The following SAMMSON variants were observed in gnomAD, a reference collection of about 807,000 sequenced individuals.
SAMMSON encodes long intergenic non-protein coding RNA 1212.
intron 4 of SAMMSON, among the ~76,000 whole-genome samples, chr3:70,136,294 T>C (rs2067505501): frequency 6.6e-6 from 1 of 152,236 alleles, no homozygotes; most frequent in South Asian, 2.1e-4. Context: ...GTCTAGACTA[T>C]GAAAGGCATT....
chr3:70,035,691 T>G (rs1036243391), intron 3 of SAMMSON, among the ~76,000 whole-genome samples: 4 of 152,128 alleles, frequency 2.6e-5, no homozygotes, highest in African/African-American at 9.7e-5. Flanking sequence ...TTCCAAAAAA[T>G]TTAGGAGGCA....
chr3:70,324,964 T>C (rs1702568425), intron 7 of SAMMSON, among the ~76,000 whole-genome samples: 1 of 151,172 alleles, frequency 6.6e-6, no homozygotes, highest in South Asian at 2.1e-4. Context: ...AAAAAGGCAT[T>C]GGATATTGAA....
At chr3:70,238,777 G>T (rs1701637454) in intron 4 of SAMMSON, among the ~76,000 whole-genome samples, 1 of 152,080 alleles carries the variant, frequency 6.6e-6, no homozygotes, top group South Asian at 2.1e-4. Flanking sequence ...TCCTAGATAT[G>T]TGAGTCTACA....
At chr3:70,207,385 G>A (rs964669746) in intron 4 of SAMMSON, among the ~76,000 whole-genome samples, 1 of 151,976 alleles carries the variant, frequency 6.6e-6, no homozygotes, top group Admixed American at 6.6e-5. Context: ...ATGGCTTTGG[G>A]GATATGCTTC....
intron 1 of SAMMSON, among the ~76,000 whole-genome samples, chr3:70,007,206 C>A (rs1267207259): frequency 6.6e-6 from 1 of 152,104 alleles, no homozygotes; most frequent in Admixed American, 6.5e-5. Flanking sequence ...AGTTTAAGAT[C>A]CTTGAGGAAT....
At chr3:70,417,397 G>A (rs1701272043) in intron 2 of SAMMSON, among the ~76,000 whole-genome samples, 1 of 152,120 alleles carries the variant, frequency 6.6e-6, no homozygotes, top group Non-Finnish European at 1.5e-5. Context: ...GATCATGTGA[G>A]GCTATCTTAT....
At chr3:70,073,075 C>G (rs2067236069) in intron 4 of SAMMSON, among the ~76,000 whole-genome samples, 1 of 151,958 alleles carries the variant, frequency 6.6e-6, no homozygotes, top group Non-Finnish European at 1.5e-5. Flanking sequence ...CGGAAGAACC[C>G]TACTCTTTGT....
intron 3 of SAMMSON, among the ~76,000 whole-genome samples, chr3:70,047,912 G>A (rs2067132858): frequency 6.6e-6 from 1 of 151,940 alleles, no homozygotes; most frequent in Non-Finnish European, 1.5e-5. Flanking sequence ...TCTATTTATG[G>A]GGAGTGGAGC....
chr3:70,376,166 A>G (rs1298777504), intron 9 of SAMMSON, among the ~76,000 whole-genome samples: 1 of 152,190 alleles, frequency 6.6e-6, no homozygotes. Context: ...GAACAAGTTG[A>G]TAGGGTTTAT....
intron 6 of SAMMSON, chr3:70,271,947 G>A (rs759796608): frequency 1.3e-5 from 2 of 152,168 alleles, no homozygotes; most frequent in Admixed American, 6.6e-5. Flanking sequence ...TATTTTTGTA[G>A]AGACAACGTT....
At chr3:70,023,785 A>C (rs2067025561) in intron 3 of SAMMSON, among the ~76,000 whole-genome samples, 1 of 152,164 alleles carries the variant, frequency 6.6e-6, no homozygotes, top group Non-Finnish European at 1.5e-5. Flanking sequence ...TGTCATGTGT[A>C]TGTATTCCAA....
intron 4 of SAMMSON, among the ~76,000 whole-genome samples, chr3:70,210,671 A>G (rs907634383): frequency 1.4e-4 from 22 of 152,166 alleles, no homozygotes; most frequent in African/African-American, 5.1e-4. Context: ...GTGAAACTAT[A>G]TTTGGGATGT....
At chr3:70,014,302 C>T (rs1216828418) in intron 3 of SAMMSON, 1 of 152,144 alleles carries the variant, frequency 6.6e-6, no homozygotes, top group African/African-American at 2.4e-5. Context: ...CCTTCACCTA[C>T]CCCCAAGACA....
At chr3:70,378,755 G>A (rs1703040859) in intron 9 of SAMMSON, among the ~76,000 whole-genome samples, 1 of 151,952 alleles carries the variant, frequency 6.6e-6, no homozygotes, top group Admixed American at 6.6e-5. Context: ...ATTGGTACAA[G>A]TATGAAATGA....
At chr3:70,170,165 G>A (rs995772909) in intron 4 of SAMMSON, among the ~76,000 whole-genome samples, 1 of 151,830 alleles carries the variant, frequency 6.6e-6, no homozygotes, top group Non-Finnish European at 1.5e-5. Flanking sequence ...TCAATACCCA[G>A]ATTTATGCCT....
chr3:70,163,358 G>T (rs200502598), intron 4 of SAMMSON, among the ~76,000 whole-genome samples: 83,615 of 139,308 alleles, frequency 0.6, 24,755 homozygotes, highest in Non-Finnish European at 0.66. Context: ...TATATATAGA[G>T]AGAGAGAGAG....
Position 70,148,354 on chromosome 3 carries a change from G to A in SAMMSON, n.507+76789G>A, listed in dbSNP as rs529648184. Among the ~76,000 whole-genome samples the A allele has an allele frequency of 1.4e-4, 21 of 152,156 alleles. 1 individual carries two copies. The South Asian group carries it at 3.9e-3, about 29-fold the overall frequency. The stretch of plus-strand genomic sequence containing the variant: ...ATTATTATCCTCAGAATGAAAGTAC[G>A]TTTTGTCATGAAAGGTAATTTGTTT... On this transcript the variant is annotated intron_variant and non_coding_transcript_variant, in intron 4 of 9. Coordinates refer to ENST00000642114, the Ensembl canonical transcript of SAMMSON.
At chr3:70,157,234 G>C (rs772852558) in intron 4 of SAMMSON, among the ~76,000 whole-genome samples, 6 of 151,976 alleles carry the variant, frequency 3.9e-5, no homozygotes, top group Non-Finnish European at 8.8e-5. Flanking sequence ...ATTTTATCTA[G>C]ATTCAGGGAG....
chr3:70,303,842 T>G (rs907773631), intron 7 of SAMMSON, among the ~76,000 whole-genome samples: 1 of 152,000 alleles, frequency 6.6e-6, no homozygotes, highest in East Asian at 1.9e-4. Context: ...CCACCATGCC[T>G]GTGTAATTTT....
Sources: allele counts gnomAD v4.1 joint callset (sites outside exome capture counted in the v4.1 genomes callset), GRCh38; gene constraint gnomAD v4.1.1; transcripts MANE v1.5; gene names NCBI Gene and HGNC (gene_info 2026-07-23, HGNC 2026-07-21).